The following KCNH8 variants were observed in gnomAD, a reference collection of about 807,000 sequenced individuals.
KCNH8 encodes potassium voltage-gated channel subfamily H member 8.
In KCNH8, 70 loss-of-function variants were observed where a neutral mutation model predicts 103.6. The observed-to-expected ratio is 0.68, with a 90% CI of 0.56 to 0.82. KCNH8 has a LOEUF of 0.82. KCNH8 is among the 40% of genes least tolerant of loss of function. The pLI is 0.00. For missense variants in KCNH8, 1,217 were observed against 1,329.9 expected (o/e 0.92, Z 1.32); for synonymous variants, 498 against 489.4 (o/e 1.02, Z -0.23).
intron 1 of KCNH8, among the ~76,000 whole-genome samples, chr3:19,164,865 T>G (rs1392556701): frequency 6.6e-6 from 1 of 152,182 alleles, no homozygotes; most frequent in African/African-American, 2.4e-5. Context: ...CCACTGGTGT[T>G]GGAGAATTGA....
chr3:19,495,055 T>C (rs2068409748), intron 11 of KCNH8, among the ~76,000 whole-genome samples: 1 of 152,148 alleles, frequency 6.6e-6, no homozygotes, highest in African/African-American at 2.4e-5. Flanking sequence ...TGTTTCGTCT[T>C]TGCTTGTAAA....
At chr3:19,203,083 T>C (rs2063679909) in intron 1 of KCNH8, among the ~76,000 whole-genome samples, 1 of 152,130 alleles carries the variant, frequency 6.6e-6, no homozygotes, top group African/African-American at 2.4e-5. Context: ...GCTATAATTA[T>C]TGTGAACAAT....
chr3:19,517,826 A>G (rs2068901052), intron 14 of KCNH8, among the ~76,000 whole-genome samples, 172 bp from the exon 15 acceptor site: 1 of 152,020 alleles, frequency 6.6e-6, no homozygotes, highest in Admixed American at 6.6e-5. Context: ...ATCTGGTGCC[A>G]TCCAGAGGAA....
At chr3:19,373,088 T>G (rs1028757507) in intron 5 of KCNH8, among the ~76,000 whole-genome samples, 2 of 152,046 alleles carry the variant, frequency 1.3e-5, no homozygotes, top group Non-Finnish European at 2.9e-5. Flanking sequence ...TGGTTGTGTC[T>G]GTGCCCGGCT....
rs181861251 is a variant in KCNH8, at chr3:19,223,847, G to T, written c.77-29807G>T. On this transcript the variant is annotated intron_variant, in intron 1 of 15. Transcript: ENST00000328405. ...AAAAGTGATGGCTGCCTTTTTAAAG[G>T]TTATATAGATATTTCATTTTCTAAT... Among the ~76,000 whole-genome samples the T allele has an allele frequency of 2.2e-4, 34 of 152,100 alleles. No homozygotes were observed. In the East Asian group the frequency reaches 5.6e-3, roughly 25 times the overall value.
intron 15 of KCNH8, among the ~76,000 whole-genome samples, chr3:19,520,456 A>C (rs2068952747): frequency 6.6e-6 from 1 of 152,004 alleles, no homozygotes; most frequent in Non-Finnish European, 1.5e-5. Context: ...AAACCCACTA[A>C]GATGGGCAGA....
intron 2 of KCNH8, among the ~76,000 whole-genome samples, chr3:19,278,066 A>G (rs114998853): frequency 0.013 from 1,932 of 152,216 alleles, 33 homozygotes; most frequent in African/African-American, 0.042. Flanking sequence ...GCCCACAGGT[A>G]AGAGAGGAAG....
chr3:19,196,008 C>G (rs1372642830), intron 1 of KCNH8, among the ~76,000 whole-genome samples: 1 of 151,868 alleles, frequency 6.6e-6, no homozygotes, highest in Non-Finnish European at 1.5e-5. Context: ...TTGTTCATTT[C>G]CTTTTTTAAA....
At chr3:19,336,141 A>G (rs886956559) in intron 3 of KCNH8, among the ~76,000 whole-genome samples, 12 of 151,632 alleles carry the variant, frequency 7.9e-5, no homozygotes, top group African/African-American at 2.9e-4. Flanking sequence ...TGTATTAGAT[A>G]TTTTTATATC....
chr3:19,521,907 TAAA>T (rs1303518387), intron 15 of KCNH8, among the ~76,000 whole-genome samples: 1 of 151,866 alleles, frequency 6.6e-6, no homozygotes, highest in Non-Finnish European at 1.5e-5. Context: ...AAAATGATAA[TAAA>T]AACCAGATGG....
At chr3:19,212,127 A>G (rs1000916681) in intron 1 of KCNH8, among the ~76,000 whole-genome samples, 2 of 152,230 alleles carry the variant, frequency 1.3e-5, no homozygotes, top group African/African-American at 4.8e-5. Context: ...TTTTATCCAG[A>G]TAGTAATAGC....
chr3:19,346,305 A>G (rs1445484810), intron 4 of KCNH8, among the ~76,000 whole-genome samples: 1 of 152,084 alleles, frequency 6.6e-6, no homozygotes, highest in African/African-American at 2.4e-5. Context: ...TTTATGCCAA[A>G]GTCTACCTTT....
Position 19,533,917 on chromosome 3 carries a change from A to C in KCNH8, c.3142A>C (p.Ser1048Arg), listed in dbSNP as rs772616108. 4 of 1,614,120 alleles carry C rather than the reference A, an allele frequency of 2.5e-6. No homozygotes were observed. In the South Asian group the frequency reaches 4.4e-5, roughly 18 times the overall value. ...AACATCTTTGCACCTAGTTCTCCCA[A>C]GCAGATCAGAGGAGGGCAGCTTCAG... ...SETSLHLVLP[S>R]RSEEGSFSQG... Residue 1048 changes from serine to arginine, a missense_variant, in exon 16 of 16, where the codon AGC (serine) becomes CGC (arginine). Physicochemically the swap from Ser to Arg is moderately radical, Grantham distance 110. Around this residue, in one of 3 missense-constraint regions of KCNH8, gnomAD observed 558 missense variants for 495.8 expected, o/e 1.13. Coordinates refer to ENST00000328405, the MANE Select transcript of KCNH8 (RefSeq NM_144633.3).
rs2065552007 is a variant in KCNH8, at chr3:19,334,283, G to A, written c.443-8304G>A. On this transcript the variant is annotated intron_variant, in intron 3 of 15. Transcript: ENST00000328405. ...TTAGTCCTGAGCAGGCATCTGGCCA[G>A]TGTAGCATAACATGCGCTACAACTC... Among the ~76,000 whole-genome samples the A allele has an allele frequency of 2.6e-5, 4 of 152,238 alleles. No individual in the cohort carries two copies. The South Asian group carries it at 8.3e-4, about 32-fold the overall frequency.
At chr3:19,437,610 T>A (rs2067218917) in intron 7 of KCNH8, among the ~76,000 whole-genome samples, 1 of 152,164 alleles carries the variant, frequency 6.6e-6, no homozygotes, top group Non-Finnish European at 1.5e-5. Flanking sequence ...CTGAGTAAAG[T>A]AACATGAGCT....
At chr3:19,205,830 C>T (rs2063708694) in intron 1 of KCNH8, among the ~76,000 whole-genome samples, 1 of 151,820 alleles carries the variant, frequency 6.6e-6, no homozygotes, top group African/African-American at 2.4e-5. Context: ...TTTTTTATTT[C>T]CATAGGTTTT....
intron 8 of KCNH8, among the ~76,000 whole-genome samples, chr3:19,439,485 A>G (rs936261149): frequency 3.3e-5 from 5 of 152,178 alleles, no homozygotes; most frequent in African/African-American, 1.2e-4. Flanking sequence ...CTCAGAAAGC[A>G]TCAACAAAAA....
At chr3:19,365,158 C>A (rs1271859462) in intron 5 of KCNH8, among the ~76,000 whole-genome samples, 1 of 152,084 alleles carries the variant, frequency 6.6e-6, no homozygotes, top group Non-Finnish European at 1.5e-5. Flanking sequence ...TCTCGATAAA[C>A]CTACAAATTA....
chr3:19,293,427 C>T (rs989667962), intron 3 of KCNH8, among the ~76,000 whole-genome samples: 13 of 152,196 alleles, frequency 8.5e-5, no homozygotes, highest in Admixed American at 3.9e-4. Context: ...CCTTACTATT[C>T]AAAGTGTGGT....
Sources: allele counts gnomAD v4.1 joint callset (sites outside exome capture counted in the v4.1 genomes callset), GRCh38; gene constraint gnomAD v4.1.1; regional missense constraint gnomAD v4.1.1; transcripts MANE v1.5; gene names NCBI Gene and HGNC (gene_info 2026-07-23, HGNC 2026-07-21).